The following FAT4 variants were observed in gnomAD, a reference collection of about 807,000 sequenced individuals.
The protein encoded by FAT4 is FAT atypical cadherin 4, also known as protocadherin Fat 4.
In FAT4, 84 loss-of-function variants were observed where a neutral mutation model predicts 303.9. The observed-to-expected ratio is 0.28, with a 90% confidence interval of 0.23 to 0.33. The LOEUF (loss-of-function observed/expected upper bound fraction) is 0.33, where lower values mean the gene tolerates loss of function less well. Ranked by LOEUF, FAT4 falls within the 10% of genes least tolerant of loss-of-function variation. The probability of loss-of-function intolerance (pLI) is 1.00; values close to 1 mark genes in which losing one functional copy is unlikely to be tolerated. For missense variants in FAT4, 6,005 were observed against 6,146.8 expected, an observed-to-expected ratio of 0.98 and a Z score of 0.77; for synonymous variants, 2,307 against 2,298.8, an observed-to-expected ratio of 1.00 and a Z score of -0.10.
At chr4:125,375,595 T>G (rs1399230423) in intron 2 of FAT4, among the ~76,000 whole-genome samples, 1 of 152,218 alleles carries the variant, frequency 6.6e-6, no homozygotes, top group Non-Finnish European at 1.5e-5. Flanking sequence ...TAGACATCAC[T>G]GCACTAAGAG....
At chr4:125,356,674 T>A (rs1310160851) in intron 2 of FAT4, among the ~76,000 whole-genome samples, 5 of 149,838 alleles carry the variant, frequency 3.3e-5, no homozygotes, top group African/African-American at 1.2e-4. Flanking sequence ...AAGTAGAATA[T>A]AGTTGAGTTA....
chr4:125,482,751 A>G (rs1388414826), intron 16 of FAT4, among the ~76,000 whole-genome samples: 1 of 152,216 alleles, frequency 6.6e-6, no homozygotes, highest in African/African-American at 2.4e-5. Flanking sequence ...ATAATACTAA[A>G]AATAAAAATA....
chr4:125,410,716 A>G (rs898974169), intron 5 of FAT4, among the ~76,000 whole-genome samples: 3 of 152,124 alleles, frequency 2.0e-5, no homozygotes, highest in East Asian at 1.9e-4. Context: ...GAAGATACCA[A>G]AAAATTAAAA....
chr4:125,391,781 A>G (rs758723375), intron 2 of FAT4, among the ~76,000 whole-genome samples: 6 of 152,220 alleles, frequency 3.9e-5, no homozygotes, highest in Non-Finnish European at 8.8e-5. Flanking sequence ...TAGGAAATCA[A>G]TAGGTTTGAA....
intron 5 of FAT4, among the ~76,000 whole-genome samples, chr4:125,412,323 C>G (rs1425477262): frequency 6.6e-6 from 1 of 151,632 alleles, no homozygotes; most frequent in Non-Finnish European, 1.5e-5. Flanking sequence ...CCTGTAATTG[C>G]AGCAATTAAT....
In FAT4 at chr4:125,449,207, T is replaced by C. The variant is rs1389953693; in HGVS notation, c.8197T>C (p.Leu2733=). Residue 2733 remains leucine, a synonymous_variant, in exon 10 of 18, where the codon TTG becomes CTG. Transcript: ENST00000394329. ...ATGEIRSVRP[L]DREKVSHYVL... is the part of the protein sequence containing the mutation. ...TGGTGAAATTAGAAGCGTTAGACCT[T>C]TGGACAGGGAAAAAGTATCTCATTA... 3 of 1,613,782 alleles carry C rather than the reference T, an allele frequency of 1.9e-6. No homozygotes were observed. The highest frequency in any genetic ancestry group is 1.1e-5 in the South Asian group (1 of 91,078).
At chr4:125,441,227 G>A (rs1406623897) in intron 8 of FAT4, among the ~76,000 whole-genome samples, 1 of 152,158 alleles carries the variant, frequency 6.6e-6, no homozygotes, top group African/African-American at 2.4e-5. Context: ...TTTCTTAAGT[G>A]TAGTACCGTA....
chr4:125,342,163 A>G (rs980130429), intron 2 of FAT4, among the ~76,000 whole-genome samples: 2 of 152,022 alleles, frequency 1.3e-5, no homozygotes, highest in African/African-American at 4.8e-5. Flanking sequence ...CCAATACTAT[A>G]TATGTGATTT....
rs2126059908 is a variant in FAT4, at chr4:125,450,750, C to T, written c.9740C>T (p.Pro3247Leu). Residue 3247 changes from proline (P) to leucine (L), a missense_variant, in exon 10 of 18, where the codon CCT (proline) becomes CTT (leucine). By Grantham distance (98) the Pro-to-Leu change is moderately conservative. Transcript: ENST00000394329. ...SSDSDLFVID[P>L]NTGVITTQGF... ...GACAGTGACCTCTTTGTCATTGACC[C>T]TAACACAGGAGTCATAACCACTCAA... The T allele has an allele frequency of 6.2e-7, 1 of 1,614,068 alleles. No homozygotes were observed. Among genetic ancestry groups the T allele is most frequent in the Non-Finnish European group, 8.5e-7 (1 of 1,180,004 alleles).
intron 2 of FAT4, among the ~76,000 whole-genome samples, chr4:125,362,615 A>G (rs1340830425): frequency 2.0e-5 from 3 of 152,202 alleles, no homozygotes; most frequent in Non-Finnish European, 4.4e-5. Flanking sequence ...TACATGGTTG[A>G]ATACCATATG....
At chr4:125,395,450 C>T (rs953684333) in intron 2 of FAT4, among the ~76,000 whole-genome samples, 4 of 152,050 alleles carry the variant, frequency 2.6e-5, no homozygotes, top group Non-Finnish European at 5.9e-5. Context: ...GCTGGGATTA[C>T]AGGTGCACGC....
chr4:125,452,523 T>G lies in FAT4; in HGVS notation c.11513T>G (p.Ile3838Ser). The change falls in exon 10 of 18, where the codon ATC (isoleucine) becomes AGC (serine). Residue 3838 changes from isoleucine to serine, a missense_variant. Ile to Ser is a moderately radical substitution (Grantham distance 142). Transcript: ENST00000394329. ...AAAAGCCGTGAGAGTCTTCCAGTCA[T>G]CATCGTGGCAAATGAACCTCTGCAG... is the stretch of plus-strand genomic sequence containing the variant. ...VLKSRESLPV[I>S]IVANEPLQPF... is the part of the protein sequence containing the mutation. 6.2e-7 allele frequency: 1 copy of G among 1,614,114 alleles called. No individual in the cohort carries two copies. Among genetic ancestry groups the G allele is most frequent in the African/African-American group, 1.3e-5 (1 of 75,056 alleles).
chr4:125,338,451 C>A (rs2663273), intron 2 of FAT4, among the ~76,000 whole-genome samples: 113,065 of 152,010 alleles, frequency 0.74, 42,965 homozygotes, highest in African/African-American at 0.89. Flanking sequence ...AATATGCGAG[C>A]TACAGTGTTT....
rs1578652530 is a variant in FAT4, at chr4:125,446,627, A to G, written c.7450+84A>G. ...TATAAAAATATTTATGATATTTTAC[A>G]TACATATTTCTGATATAGCCTAATT... is the stretch of plus-strand genomic sequence containing the variant. On this transcript the variant is annotated intron_variant, in intron 9 of 17. Transcript: ENST00000394329. 2.3e-6 allele frequency: 3 copies of G among 1,321,314 alleles called. No individual in the cohort carries two copies. In the South Asian group the frequency reaches 5.7e-5, roughly 25 times the overall value. The allele number at this position is 1,321,314 out of a possible 1,614,324, so 81.8% of individuals were successfully genotyped here.
intron 2 of FAT4, among the ~76,000 whole-genome samples, chr4:125,351,001 A>T (rs769759839): frequency 5.3e-5 from 8 of 151,690 alleles, no homozygotes; most frequent in Non-Finnish European, 1.0e-4. Flanking sequence ...GGGTATGATG[A>T]CTGAGGTTTC....
At chr4:125,458,752 G>A (rs759445763) in intron 10 of FAT4, among the ~76,000 whole-genome samples, 1 of 151,862 alleles carries the variant, frequency 6.6e-6, no homozygotes, top group Non-Finnish European at 1.5e-5. Context: ...TTGAGGTTGT[G>A]TTTGTGCTTG....
intron 2 of FAT4, among the ~76,000 whole-genome samples, chr4:125,347,339 GAAGAT>G (rs1463568062): frequency 6.6e-6 from 1 of 151,100 alleles, no homozygotes; most frequent in Non-Finnish European, 1.5e-5. Flanking sequence ...ACAAAAGAAA[GAAGAT>G]AAGAAAAATC....
chr4:125,421,329 G>C (rs1724881054), intron 7 of FAT4, among the ~76,000 whole-genome samples: 1 of 152,036 alleles, frequency 6.6e-6, no homozygotes, highest in Non-Finnish European at 1.5e-5. Flanking sequence ...CGTGGCAATT[G>C]GTTTCACATA....
chr4:125,342,249 G>A (rs1731829225), intron 2 of FAT4, among the ~76,000 whole-genome samples: 1 of 151,948 alleles, frequency 6.6e-6, no homozygotes, highest in African/African-American at 2.4e-5. Flanking sequence ...TCAGCACGGT[G>A]ATTGGTGTTG....
Sources: allele counts gnomAD v4.1 joint callset (sites outside exome capture counted in the v4.1 genomes callset), GRCh38; gene constraint gnomAD v4.1.1; transcripts MANE v1.5; gene names NCBI Gene and HGNC (gene_info 2026-07-23, HGNC 2026-07-21).